Variants in CNIH3 observed in about 807,000 individuals in gnomAD.
CNIH3 encodes the protein cornichon family AMPA receptor auxiliary protein 3.
In CNIH3, 14 loss-of-function variants were observed where a neutral mutation model predicts 24.1. The observed-to-expected ratio is 0.58, with a 90% confidence interval of 0.38 to 0.91. The LOEUF (loss-of-function observed/expected upper bound fraction) is 0.91. Ranked by LOEUF, CNIH3 falls within the 40% of genes least tolerant of loss-of-function variation. CNIH3 has a pLI of 0.00. For synonymous variants in CNIH3, 68 were observed against 73.8 expected (o/e 0.92, Z 0.40); for missense variants, 178 against 196.8 (o/e 0.90, Z 0.57).
chr1:224,616,437 A>C lies in CNIH3; in HGVS notation c.-738A>C, dbSNP rs1682990616. On this transcript the variant is annotated 5_prime_UTR_variant, in exon 1 of 6. Transcript: ENST00000272133. ...GGGCTGGAGTTGGCCCGTTGGGTGG[A>C]GCCAGTGCTCGCCCCGGTCCGACCC... 2.0e-6 allele frequency: 2 copies of C among 993,080 alleles called. No homozygotes were observed. The highest frequency in any genetic ancestry group is 8.3e-5 in the South Asian group (2 of 24,070). 61.5% of individuals were successfully genotyped at this position (993,080 alleles called of 1,614,324 possible).
intron 3 of CNIH3, among the ~76,000 whole-genome samples, chr1:224,552,015 G>A (rs1052430222): frequency 2.0e-5 from 3 of 151,202 alleles, no homozygotes; most frequent in Non-Finnish European, 4.4e-5. Context: ...CTCTGTGTAC[G>A]CCCCGTGTGA....
At chr1:224,668,318 T>C (rs528096725) in intron 1 of CNIH3, among the ~76,000 whole-genome samples, 2 of 152,268 alleles carry the variant, frequency 1.3e-5, no homozygotes, top group East Asian at 3.9e-4. Flanking sequence ...AAATAATCCA[T>C]ATTTAGGTGA....
At chr1:224,568,415 T>C (rs1680677062) in intron 4 of CNIH3, among the ~76,000 whole-genome samples, 1 of 152,142 alleles carries the variant, frequency 6.6e-6, no homozygotes, top group South Asian at 2.1e-4. Flanking sequence ...TTAATTGTTT[T>C]GATTAGATAT....
intron 1 of CNIH3, among the ~76,000 whole-genome samples, chr1:224,623,248 C>T (rs757282387): frequency 3.3e-4 from 50 of 152,170 alleles, no homozygotes; most frequent in Non-Finnish European, 5.3e-4. Context: ...CAATGCATCG[C>T]TCCTCTAGGA....
rs139319359 is a variant in CNIH3 at position 224,596,924 on chromosome 1, G to A, written n.402+30660G>A. Among the ~76,000 whole-genome samples the A allele has an allele frequency of 9.9e-3, 1,512 of 152,186 alleles. 11 individuals carry two copies. The highest frequency in any genetic ancestry group is 0.016 in the Non-Finnish European group (1,065 of 68,010). Reference sequence around the variant, plus strand: ...TCCCAGCACTTTGGGAGACCAAGGCGGGTGGAACACCTGAGGTCAGGAGGT... The same window carrying A: ...TCCCAGCACTTTGGGAGACCAAGGCAGGTGGAACACCTGAGGTCAGGAGGT... On this transcript the variant is annotated intron_variant and non_coding_transcript_variant, in intron 3 of 7. Transcript: ENST00000478120.
intron 4 of CNIH3, among the ~76,000 whole-genome samples, chr1:224,578,914 C>T (rs1166901523): frequency 1.3e-5 from 2 of 152,054 alleles, no homozygotes; most frequent in African/African-American, 4.8e-5. Flanking sequence ...GTTCAGAGGG[C>T]CCTTTCAATC....
intron 1 of CNIH3, among the ~76,000 whole-genome samples, chr1:224,672,635 C>CTGTGAAAGCCA (rs2125132156): frequency 6.6e-6 from 1 of 152,312 alleles, no homozygotes; most frequent in South Asian, 2.1e-4. Flanking sequence ...ATGGCCTTCA[C>CTGTGAAAGCCA]TGTGTGGCTT....
At chr1:224,443,713 T>TATATATATA (rs1558461722) in intron 1 of CNIH3, among the ~76,000 whole-genome samples, 1 of 148,156 alleles carries the variant, frequency 6.7e-6, no homozygotes, top group African/African-American at 2.5e-5. Flanking sequence ...ATATATATAT[T>TATATATATA]TTTTTAGGCT....
At chr1:224,563,312 T>C (rs1680449837) in intron 3 of CNIH3, among the ~76,000 whole-genome samples, 1 of 152,128 alleles carries the variant, frequency 6.6e-6, no homozygotes, top group East Asian at 1.9e-4. Context: ...TGTGAAGTGT[T>C]GATTTTTGGG....
At position 224,684,710 on chromosome 1, in the gene CNIH3, A is replaced by T; in HGVS notation, c.151-86A>T. The T allele has an allele frequency of 8.2e-7, 1 of 1,223,874 alleles. No individual in the cohort carries two copies. The highest frequency in any genetic ancestry group is 1.2e-6 in the Non-Finnish European group (1 of 826,030). The allele number at this position is 1,223,874 out of a possible 1,614,324, so 75.8% of individuals were successfully genotyped here. A position where few individuals can be genotyped will look rare whatever the true frequency, so the allele number is the denominator to read the frequency against. On this transcript the variant is annotated intron_variant, in intron 2 of 5. Coordinates refer to ENST00000272133, the MANE Select transcript of CNIH3 (RefSeq NM_152495.2). The surrounding 1 kb of genome is among the most constrained non-coding windows in gnomAD (Gnocchi z 4.2). ...GTCTCTGGTGGCTTCTGCCTCCACT[A>T]TTGGGGCTGATTGCGGGGCCTTCTC...
chr1:224,672,079 G>A (rs549584400), intron 1 of CNIH3, among the ~76,000 whole-genome samples: 1 of 152,140 alleles, frequency 6.6e-6, no homozygotes, highest in African/African-American at 2.4e-5. Context: ...GCTTTAACAG[G>A]ACCTTAGAAA....
At chr1:224,548,092 G>A (rs1374057362) in intron 3 of CNIH3, among the ~76,000 whole-genome samples, 9 of 151,976 alleles carry the variant, frequency 5.9e-5, no homozygotes, top group South Asian at 2.1e-4. Flanking sequence ...TGTACACCCC[G>A]TGATGTTATT....
intron 3 of CNIH3, among the ~76,000 whole-genome samples, chr1:224,716,634 G>A (rs938188960): frequency 6.6e-5 from 10 of 152,114 alleles, no homozygotes; most frequent in Admixed American, 2.6e-4. Context: ...TGTGGGGACC[G>A]TGGGGGTTTG....
intron 4 of CNIH3, among the ~76,000 whole-genome samples, chr1:224,577,130 A>T (rs1681067733): frequency 6.6e-6 from 1 of 152,182 alleles, no homozygotes; most frequent in South Asian, 2.1e-4. Context: ...ATATTGGAAA[A>T]ACTCTTCTAG....
intron 1 of CNIH3, among the ~76,000 whole-genome samples, chr1:224,677,206 G>A (rs1238438167): frequency 6.6e-6 from 1 of 152,198 alleles, no homozygotes; most frequent in African/African-American, 2.4e-5. Flanking sequence ...TAAAAAGCAT[G>A]TGCAGCATAT....
At chr1:224,503,746 G>A (rs1677783041) in intron 1 of CNIH3, among the ~76,000 whole-genome samples, 1 of 152,266 alleles carries the variant, frequency 6.6e-6, no homozygotes, top group Non-Finnish European at 1.5e-5. Context: ...GCTGTGGCAA[G>A]GGAGATAGAC....
chr1:224,615,923 A>C (rs1293685189), upstream of CNIH3, among the ~76,000 whole-genome samples: 3 of 152,102 alleles, frequency 2.0e-5, no homozygotes, highest in Non-Finnish European at 4.4e-5. Context: ...CCAAGTCCCC[A>C]CACTTCCCAC....
intron 1 of CNIH3, among the ~76,000 whole-genome samples, chr1:224,669,813 G>A (rs997243085): frequency 1.3e-5 from 2 of 152,152 alleles, no homozygotes; most frequent in African/African-American, 4.8e-5. Context: ...TGAGGACACC[G>A]AGGCTTGGAG....
At chr1:224,461,680 T>C (rs1455750367) in intron 1 of CNIH3, among the ~76,000 whole-genome samples, 1 of 152,240 alleles carries the variant, frequency 6.6e-6, no homozygotes, top group East Asian at 1.9e-4. Flanking sequence ...CCATTTAAAA[T>C]GGACACAATT....
Sources: allele counts gnomAD v4.1 joint callset (sites outside exome capture counted in the v4.1 genomes callset), GRCh38; gene constraint gnomAD v4.1.1; non-coding constraint Gnocchi (gnomAD v3.1); transcripts MANE v1.5; gene names NCBI Gene and HGNC (gene_info 2026-07-23, HGNC 2026-07-21).